The following WNK2 variants were observed in gnomAD, a reference collection of about 807,000 sequenced individuals.
WNK2 encodes the protein WNK lysine deficient protein kinase 2, also known as serine/threonine-protein kinase WNK2.
Under a neutral mutation model 192.1 loss-of-function variants are expected in WNK2, and 67 were observed. That is an observed-to-expected ratio of 0.35 (90% CI 0.29 to 0.43). WNK2 has a LOEUF of 0.43. Among genes scored for constraint, WNK2 ranks in the 20% least tolerant of loss-of-function variants. The probability of loss-of-function intolerance (pLI) is 1.00; values close to 1 mark genes in which losing one functional copy is unlikely to be tolerated. For missense variants in WNK2, 2,698 were observed against 3,089.7 expected (o/e 0.87, Z 3.01); for synonymous variants, 1,439 against 1,393.9 (o/e 1.03, Z -0.72).
intron 23 of WNK2, among the ~76,000 whole-genome samples, chr9:93,296,787 C>T (rs1850590052): frequency 8.3e-6 from 1 of 120,710 alleles, no homozygotes; most frequent in African/African-American, 3.4e-5. Context: ...CCTTCCTCCC[C>T]CTCCATCCTT....
At chr9:93,307,072 C>T (rs924309824) in intron 27 of WNK2, 40 of 560,342 alleles carry the variant, frequency 7.1e-5, no homozygotes, top group Non-Finnish European at 1.1e-4. Context: ...CGGGCTTATC[C>T]TTCCCCGGAA....
chr9:93,290,193 A>G (rs1849111174), intron 21 of WNK2, 146 bp downstream of exon 21: 1 of 713,374 alleles, frequency 1.4e-6, no homozygotes, highest in Non-Finnish European at 2.3e-6. Context: ...GGGATCCTTT[A>G]GCATCCAGTG....
chr9:93,223,887 G>A (rs1372636819), intron 2 of WNK2, among the ~76,000 whole-genome samples: 1 of 152,198 alleles, frequency 6.6e-6, no homozygotes, highest in Non-Finnish European at 1.5e-5. Flanking sequence ...GTCTCATGCT[G>A]TCTTCCCAGT....
chr9:93,200,236 T>C (rs1374067628), intron 2 of WNK2, among the ~76,000 whole-genome samples: 1 of 152,146 alleles, frequency 6.6e-6, no homozygotes, highest in African/African-American at 2.4e-5. Flanking sequence ...AGGCCTGGCC[T>C]TGCTCTGGCC....
At position 93,257,522 on chromosome 9, in the gene WNK2, G is replaced by A. The variant is rs1418999271; in HGVS notation, c.2382+383G>A. On this transcript the variant is annotated intron_variant, in intron 11 of 29. Transcript: ENST00000427277. The surrounding 1 kb of genome is among the most constrained non-coding windows in gnomAD (Gnocchi z 4.7). ...CATCACCTGGCACCCTCCCAGCAAGGTGCCCATCTGCCCTCAGCTTACCCA... is the reference window on the plus strand; with the variant it reads ...CATCACCTGGCACCCTCCCAGCAAGATGCCCATCTGCCCTCAGCTTACCCA... Among the ~76,000 whole-genome samples the A allele has an allele frequency of 2.0e-5, 3 of 152,190 alleles. No individual in the cohort carries two copies. The highest frequency in any genetic ancestry group is 4.8e-5 in the African/African-American group (2 of 41,434).
rs185775210 is a variant in WNK2 at position 93,259,724 on chromosome 9, G to A, written c.3066+110G>A. 215 of 1,071,550 alleles carry A rather than the reference G, an allele frequency of 2.0e-4. 1 individual carries two copies. The African/African-American group carries it at 2.0e-3, about 10-fold the overall frequency. 66.4% of individuals were successfully genotyped at this position (1,071,550 alleles called of 1,614,324 possible). On this transcript the variant is annotated intron_variant, in intron 12 of 29. Coordinates refer to ENST00000427277, the MANE Select transcript of WNK2 (RefSeq NM_006648.4). The surrounding 1 kb of genome is among the most constrained non-coding windows in gnomAD (Gnocchi z 4.8). ...CAAGGAGGCAGCCCTGCCTGGGGTC[G>A]CCCCTCTCAGGAAGAGATGTGTGTG...
intron 2 of WNK2, among the ~76,000 whole-genome samples, chr9:93,225,757 T>G (rs1032867062): frequency 1.3e-5 from 2 of 152,230 alleles, no homozygotes; most frequent in Admixed American, 1.3e-4. Flanking sequence ...AATTAAGGAC[T>G]AGGCGCACAG....
At chr9:93,282,613 T>C (rs2133627363) in intron 19 of WNK2, among the ~76,000 whole-genome samples, 1 of 152,282 alleles carries the variant, frequency 6.6e-6, no homozygotes, top group African/African-American at 2.4e-5. Context: ...AACATAATGG[T>C]GAAAGATTCA....
At chr9:93,208,098 A>G (rs754617586) in intron 2 of WNK2, among the ~76,000 whole-genome samples, 10 of 152,202 alleles carry the variant, frequency 6.6e-5, no homozygotes, top group Non-Finnish European at 1.2e-4. Flanking sequence ...CGATTCCCAG[A>G]CAGAACACAC....
In WNK2 at chr9:93,184,190, G is replaced by C. The variant is rs1370875968; in HGVS notation, c.-198G>C. Among the ~76,000 whole-genome samples, 1 of 149,674 alleles carries C rather than the reference G, an allele frequency of 6.7e-6. No homozygotes were observed. Among genetic ancestry groups the C allele is most frequent in the Non-Finnish European group, 1.5e-5 (1 of 67,244 alleles). On this transcript the variant is annotated 5_prime_UTR_variant, in exon 1 of 30. Transcript: ENST00000427277. The stretch of plus-strand genomic sequence containing the variant: ...TGCGGGAGCGGAGCCGCGCGAAGCC[G>C]GCAGGAGCACGCGGGAGCGCGGCCC...
At chr9:93,198,187 C>T (rs968618337) in intron 2 of WNK2, among the ~76,000 whole-genome samples, 1 of 152,184 alleles carries the variant, frequency 6.6e-6, no homozygotes, top group Non-Finnish European at 1.5e-5. Flanking sequence ...CTGCAGGCTC[C>T]GGTGGTTCTG....
Position 93,229,911 on chromosome 9 carries a change from G to A in WNK2, c.854+43G>A, listed in dbSNP as rs373843663. On this transcript the variant is annotated intron_variant, in intron 3 of 29. Transcript: ENST00000427277. The surrounding 1 kb of genome is among the most constrained non-coding windows in gnomAD (Gnocchi z 4.9). ...AGGGCTGGGGCGGGTCCTGGCATGG[G>A]TGCAGGGCTACCATAGCTGAGGGTG... The A allele has an allele frequency of 9.6e-5, 154 of 1,596,262 alleles. 1 individual carries two copies. In the African/African-American group the frequency reaches 1.7e-3, roughly 17 times the overall value.
chr9:93,298,198 T>C, intron 24 of WNK2, 131 bp downstream of exon 24: 1 of 1,014,210 alleles, frequency 9.9e-7, no homozygotes, highest in Non-Finnish European at 1.4e-6. Context: ...CCTTACTGAA[T>C]CTCCTTTCCC....
intron 2 of WNK2, among the ~76,000 whole-genome samples, chr9:93,189,879 C>A (rs1017320326): frequency 5.9e-5 from 9 of 152,204 alleles, no homozygotes; most frequent in African/African-American, 2.2e-4. Context: ...CTGCTTTTAG[C>A]CCTGACCCAG....
chr9:93,264,074 G>A (rs1385793736), intron 16 of WNK2, 41 bp downstream of exon 16: 1 of 1,457,748 alleles, frequency 6.9e-7, no homozygotes, highest in Non-Finnish European at 9.5e-7. Context: ...GGTGTTTCTT[G>A]GACACGTGTG....
rs192574986 is a variant in WNK2 at position 93,217,580 on chromosome 9, G to A, written c.682-12116G>A. The stretch of plus-strand genomic sequence containing the variant: ...TGAGGAGTCAGTTAATGGGATTGGG[G>A]TGCAGATGTGGGCAGGGGGGCCTAA... On this transcript the variant is annotated intron_variant, in intron 2 of 29. Coordinates refer to ENST00000427277, the MANE Select transcript of WNK2 (RefSeq NM_006648.4). Among the ~76,000 whole-genome samples, 152 of 152,316 alleles carry A rather than the reference G, an allele frequency of 1.0e-3. 1 individual carries two copies. The highest frequency in any genetic ancestry group is 3.4e-3 in the Middle Eastern group (1 of 294).
At chr9:93,211,070 TCA>T (rs1463465564) in intron 2 of WNK2, among the ~76,000 whole-genome samples, 134 of 152,296 alleles carry the variant, frequency 8.8e-4, no homozygotes, top group Middle Eastern at 3.4e-3. Context: ...ATTCACTCAT[TCA>T]CACACTCACA....
chr9:93,223,101 G>T (rs549594015), intron 2 of WNK2, among the ~76,000 whole-genome samples: 1 of 152,360 alleles, frequency 6.6e-6, no homozygotes, highest in Admixed American at 6.5e-5. Flanking sequence ...TAAAGGAAGT[G>T]AGTTTGTTTT....
chr9:93,288,805 G>C lies in WNK2; in HGVS notation c.4051G>C (p.Asp1351His), dbSNP rs1321147689. The C allele has an allele frequency of 9.3e-6, 15 of 1,611,574 alleles. No homozygotes were observed. The highest frequency in any genetic ancestry group is 1.3e-5 in the Non-Finnish European group (15 of 1,179,332). The part of the protein sequence containing the change: ...EASQDSAPYK[D>H]QLSSKEQPSF... ...TCTTCTAGATTCAGCGCCCTATAAA[G>C]ACCAGCTGTCCTCGAAGGAACAACC... Residue 1351 changes from aspartate (D) to histidine (H), a missense_variant, in exon 20 of 30, where the codon GAC (aspartate) becomes CAC (histidine). This residue lies in a region of WNK2 where 1,098 missense variants were observed against 1,101.0 expected (regional missense o/e 1.00). Coordinates refer to ENST00000427277, the MANE Select transcript of WNK2 (RefSeq NM_006648.4).
Sources: gnomAD v4.1 joint callset for allele counts (sites outside exome capture counted in the v4.1 genomes callset) on GRCh38, gnomAD v4.1.1 for gene constraint, gnomAD v4.1.1 regional missense constraint, Gnocchi (gnomAD v3.1) non-coding constraint, MANE v1.5 for transcripts, NCBI Gene and HGNC (gene_info 2026-07-23, HGNC 2026-07-21) for gene names.